Variants in KCTD1 observed in about 807,000 individuals in gnomAD.
The protein encoded by KCTD1 is BTB/POZ domain-containing protein KCTD1.
In KCTD1, 24 loss-of-function variants were observed where a neutral mutation model predicts 66.0. The observed-to-expected ratio is 0.36, with a 90% CI of 0.26 to 0.51. The LOEUF is 0.51. Ranked by LOEUF, KCTD1 falls within the 20% of genes least tolerant of loss-of-function variation. The pLI, the probability that KCTD1 is intolerant of heterozygous loss-of-function variation, is 0.95. For synonymous variants in KCTD1, 511 were observed against 517.2 expected, an observed-to-expected ratio of 0.99 and a Z score of 0.16; for missense variants, 943 against 1,205.2, an observed-to-expected ratio of 0.78 and a Z score of 3.22.
chr18:26,548,119 GC>G lies in KCTD1; in HGVS notation c.417del (p.Leu140TrpfsTer29). ...GGCCCACCGCGGGCCCGGGGCGCCAGCAGTCGCGGCGGCGCCTCGGGCTCCA... is the reference window on the plus strand; with the variant it reads ...GGCCCACCGCGGGCCCGGGGCGCCAGAGTCGCGGCGGCGCCTCGGGCTCCA... ...AALEPEAPPR[L>X]LAPRARGGPP... On this transcript the variant is annotated frameshift_variant, in exon 1 of 5. Transcript: ENST00000580059. LOFTEE classifies it high-confidence loss of function. The G allele has an allele frequency of 7.6e-7, 1 of 1,309,602 alleles. No individual in the cohort carries two copies. Among genetic ancestry groups the G allele is most frequent in the Non-Finnish European group, 9.6e-7 (1 of 1,038,512 alleles). 81.1% of individuals were successfully genotyped at this position (1,309,602 alleles called of 1,614,324 possible).
chr18:26,492,023 A>T (rs1309587186), intron 2 of KCTD1, among the ~76,000 whole-genome samples: 1 of 152,180 alleles, frequency 6.6e-6, no homozygotes, highest in East Asian at 1.9e-4. Context: ...AAGGAGGATC[A>T]CTTGACCCAG....
intron 1 of KCTD1, among the ~76,000 whole-genome samples, chr18:26,602,047 A>C (rs1387044934): frequency 6.6e-6 from 1 of 152,178 alleles, no homozygotes; most frequent in Non-Finnish European, 1.5e-5. Context: ...AGTGATGAGA[A>C]CAGACATTCT....
At chr18:26,617,491 T>C (rs914414086) in intron 1 of KCTD1, among the ~76,000 whole-genome samples, 1 of 152,218 alleles carries the variant, frequency 6.6e-6, no homozygotes, top group Non-Finnish European at 1.5e-5. Flanking sequence ...AAAATCAGGA[T>C]AAACAAGAGT....
intron 1 of KCTD1, among the ~76,000 whole-genome samples, chr18:26,621,801 C>T (rs1246344780): frequency 6.6e-6 from 1 of 152,176 alleles, no homozygotes; most frequent in Non-Finnish European, 1.5e-5. Context: ...TTCCAGAAAA[C>T]ACATTTTTTG....
In KCTD1 at chr18:26,548,034, A is replaced by G; in HGVS notation, c.503T>C (p.Leu168Pro). Residue 168 changes from leucine (L) to proline (P), a missense_variant, in exon 1 of 5, where the codon CTG (leucine) becomes CCG (proline). Leu to Pro is a moderately conservative substitution (Grantham distance 98, BLOSUM62 -3). This residue lies in a region of KCTD1 where 96 missense variants were observed against 132.5 expected (regional missense o/e 0.72). Coordinates refer to ENST00000580059, the MANE Select transcript of KCTD1 (RefSeq NM_001142730.3). ...GGTGGCCAGCCGGGTGTTCTCGCTC[A>G]GCCGGGCCCGCTCGGGGCGCTGCAG... ...DVLQRPERAR[L>P]SENTRLATRY... 4 of 1,518,346 alleles carry G rather than the reference A, an allele frequency of 2.6e-6. No individual in the cohort carries two copies. Among genetic ancestry groups the G allele is most frequent in the Non-Finnish European group, 3.5e-6 (4 of 1,135,334 alleles). The allele number at this position is 1,518,346 out of a possible 1,614,324, so 94.1% of individuals were successfully genotyped here. A position where few individuals can be genotyped will look rare whatever the true frequency, so the allele number is the denominator to read the frequency against.
intron 1 of KCTD1, among the ~76,000 whole-genome samples, chr18:26,557,366 G>C (rs545230073): frequency 6.6e-6 from 1 of 152,154 alleles, no homozygotes; most frequent in African/African-American, 2.4e-5. Context: ...TATTGTAAGT[G>C]CTTTTTAGAC....
intron 2 of KCTD1, among the ~76,000 whole-genome samples, chr18:26,485,469 T>C (rs1028135160): frequency 2.0e-5 from 3 of 152,238 alleles, no homozygotes; most frequent in South Asian, 2.1e-4. Context: ...TCTGACTGAA[T>C]AGAAAATCCT....
rs116251067 is a variant in KCTD1, at chr18:26,514,338, C to T, written c.1810-13088G>A. Among the ~76,000 whole-genome samples, 498 of 151,984 alleles carry T rather than the reference C, an allele frequency of 3.3e-3. 6 individuals carry two copies. The highest frequency in any genetic ancestry group is 0.011 in the African/African-American group (474 of 41,452). ...GAGGCTGAAGTAGGAGGGCTGCTTG[C>T]GGCCAGGAGTTCGAGACCAGCCTGG... On this transcript the variant is annotated intron_variant, in intron 1 of 4. Coordinates refer to ENST00000580059, the MANE Select transcript of KCTD1 (RefSeq NM_001142730.3).
chr18:26,483,743 G>A (rs866326400), intron 2 of KCTD1, among the ~76,000 whole-genome samples: 7 of 152,094 alleles, frequency 4.6e-5, no homozygotes, highest in Admixed American at 3.9e-4. Context: ...CATGCACAAC[G>A]GAGATGTGTG....
intron 4 of KCTD1, chr18:26,458,435 CTAGAACCCTCACTCCATTGACTTCAAA>C (rs1252317594): frequency 6.6e-6 from 1 of 152,204 alleles, no homozygotes; most frequent in Non-Finnish European, 1.5e-5. Flanking sequence ...AGGGAAAAAA[CTAGAACCCTCACTCCATTGACTTCAAA>C]TGGTTTTGTG....
intron 2 of KCTD1, among the ~76,000 whole-genome samples, chr18:26,496,801 G>C (rs1308165157): frequency 6.6e-6 from 1 of 151,888 alleles, no homozygotes; most frequent in Non-Finnish European, 1.5e-5. Context: ...GGTAATAAGA[G>C]AAATGAAGAT....
rs539006353 is a variant in KCTD1 at position 26,622,976 on chromosome 18, T to C, written c.-16+6171A>G. On this transcript the variant is annotated intron_variant, in intron 1 of 4. Transcript: ENST00000317932. ...TCAGTCATCTTTTATTTAGTCCTCT[T>C]ATTCATCATCTATATGCAATCAGCC... Among the ~76,000 whole-genome samples the C allele has an allele frequency of 5.3e-5, 8 of 152,330 alleles. No individual in the cohort carries two copies. In the South Asian group the frequency reaches 1.7e-3, roughly 32 times the overall value.
At chr18:26,577,333 A>T (rs1986247555) in intron 1 of KCTD1, among the ~76,000 whole-genome samples, 2 of 152,094 alleles carry the variant, frequency 1.3e-5, no homozygotes, top group African/African-American at 4.8e-5. Flanking sequence ...GCTTCTAGAA[A>T]TTTTTTGAAA....
At chr18:26,485,787 T>G (rs7229697) in intron 2 of KCTD1, among the ~76,000 whole-genome samples, 4 of 151,830 alleles carry the variant, frequency 2.6e-5, no homozygotes, top group African/African-American at 9.7e-5. Flanking sequence ...TCTGATACAC[T>G]CCTTAGTCTC....
rs1004137140 is a variant in KCTD1, at chr18:26,546,925, C to G, written c.1612G>C (p.Glu538Gln). The stretch of plus-strand genomic sequence containing the variant: ...ATTTCCCCCGACCCGAACACAGACT[C>G]GTACAGGGCGCGCTTGGGCGCAGCC... ...SEAAPKRALY[E>Q]SVFGSGEICG... The change falls in exon 1 of 5, where the codon GAG becomes CAG. Residue 538 changes from glutamate (E) to glutamine (Q), a missense_variant. By Grantham distance (29) the Glu-to-Gln change is conservative (BLOSUM62 2). Transcript: ENST00000580059. The G allele has an allele frequency of 2.1e-5, 31 of 1,479,434 alleles. No individual in the cohort carries two copies. The highest frequency in any genetic ancestry group is 2.8e-5 in the Non-Finnish European group (31 of 1,113,038). 91.6% of individuals were successfully genotyped at this position (1,479,434 alleles called of 1,614,324 possible).
At chr18:26,622,879 G>T (rs913230053) in intron 1 of KCTD1, among the ~76,000 whole-genome samples, 1 of 152,142 alleles carries the variant, frequency 6.6e-6, no homozygotes, top group Admixed American at 6.5e-5. Flanking sequence ...CCATAAAGGG[G>T]CAAGACACAG....
intron 1 of KCTD1, among the ~76,000 whole-genome samples, chr18:26,601,708 C>T (rs1411713648): frequency 6.6e-6 from 1 of 152,146 alleles, no homozygotes; most frequent in African/African-American, 2.4e-5. Context: ...TTGTAGTTTT[C>T]AGTTTACAAA....
chr18:26,514,208 G>A (rs1452108943), intron 1 of KCTD1, among the ~76,000 whole-genome samples: 2 of 152,132 alleles, frequency 1.3e-5, no homozygotes, highest in Non-Finnish European at 2.9e-5. Context: ...AGCAGAATCG[G>A]TGCCAAGTTT....
chr18:26,582,144 G>A (rs542097346), intron 1 of KCTD1, among the ~76,000 whole-genome samples: 51 of 151,500 alleles, frequency 3.4e-4, no homozygotes, highest in Non-Finnish European at 5.2e-4. Context: ...ATATTGGTGC[G>A]TGCCTGTGGT....
Sources: gnomAD v4.1 joint callset for allele counts (sites outside exome capture counted in the v4.1 genomes callset) on GRCh38, gnomAD v4.1.1 for gene constraint, gnomAD v4.1.1 regional missense constraint, MANE v1.5 for transcripts, NCBI Gene and HGNC (gene_info 2026-07-23, HGNC 2026-07-21) for gene names.